TDRD3: variants seen among roughly 807,000 people sequenced by gnomAD.
TDRD3 encodes the protein tudor domain containing 3.
A neutral mutation model predicts 86.7 loss-of-function variants in TDRD3; 45 were observed. The observed-to-expected ratio is 0.52, with a 90% CI of 0.41 to 0.67. The LOEUF is 0.67. TDRD3 is among the 30% of genes least tolerant of loss of function. The pLI is 0.00. For missense variants in TDRD3, 814 were observed against 889.0 expected (o/e 0.92, Z 1.07); for synonymous variants, 298 against 301.7 (o/e 0.99, Z 0.13).
intron 12 of TDRD3, among the ~76,000 whole-genome samples, chr13:60,553,697 C>T (rs1958119392): frequency 6.6e-6 from 1 of 152,062 alleles, no homozygotes; most frequent in Non-Finnish European, 1.5e-5. Context: ...AGGGGAACTG[C>T]TAAAACCATC....
Position 60,567,521 on chromosome 13 carries a change from A to G in TDRD3, c.2119-4A>G, listed in dbSNP as rs368279999. The G allele has an allele frequency of 7.4e-6, 12 of 1,613,988 alleles. No individual in the cohort carries two copies. In the South Asian group the frequency reaches 1.1e-4, roughly 15 times the overall value. On this transcript the variant is annotated splice_polypyrimidine_tract_variant and splice_region_variant and intron_variant, in intron 12 of 13. Coordinates refer to ENST00000377881, the MANE Select transcript of TDRD3 (RefSeq NM_001146070.2). ...CATGTAAAATCACTACTCTTTGCAA[A>G]TAGGAGGAAGAAGGCACCTACGATC...
At chr13:60,560,552 A>G (rs185940637) in intron 12 of TDRD3, among the ~76,000 whole-genome samples, 1 of 152,132 alleles carries the variant, frequency 6.6e-6, no homozygotes, top group East Asian at 2.0e-4. Context: ...TAATGTGTAG[A>G]TCTTAGTGAT....
intron 5 of TDRD3, among the ~76,000 whole-genome samples, chr13:60,474,885 G>GT (rs34490147): frequency 0.29 from 42,972 of 147,866 alleles, 7,020 homozygotes; most frequent in South Asian, 0.47. Flanking sequence ...TTGTCAGAAT[G>GT]TTTTTTTTTT....
At chr13:60,565,333 G>T (rs1958432389) in intron 12 of TDRD3, among the ~76,000 whole-genome samples, 1 of 152,082 alleles carries the variant, frequency 6.6e-6, no homozygotes, top group Non-Finnish European at 1.5e-5. Flanking sequence ...GGGATTACAG[G>T]CGTGAGCCAC....
intron 12 of TDRD3, among the ~76,000 whole-genome samples, chr13:60,557,327 T>C (rs1958216267): frequency 6.6e-6 from 1 of 152,194 alleles, no homozygotes; most frequent in African/African-American, 2.4e-5. Flanking sequence ...CCAGAGTTAT[T>C]TGCAAGAGGC....
intron 8 of TDRD3, among the ~76,000 whole-genome samples, chr13:60,495,226 A>G (rs747371086): frequency 6.6e-6 from 1 of 152,220 alleles, no homozygotes; most frequent in Non-Finnish European, 1.5e-5. Flanking sequence ...AAGTGTTGGT[A>G]AATTCAGCAG....
At chr13:60,567,721 T>G (rs982887455) in intron 13 of TDRD3, 71 bp downstream of exon 13, 2 of 1,569,144 alleles carry the variant, frequency 1.3e-6, no homozygotes, top group African/African-American at 1.4e-5. Context: ...ATAAGTCCAA[T>G]TAGTGATTTT....
intron 1 of TDRD3, 54 bp downstream of exon 1, chr13:60,397,459 G>A (rs9538679): frequency 0.48 from 697,434 of 1,439,364 alleles, 171,527 homozygotes; most frequent in South Asian, 0.56. Flanking sequence ...CGGGGCCCCA[G>A]GGAGGTTGGG....
chr13:60,524,268 G>T (rs942060573), intron 10 of TDRD3, among the ~76,000 whole-genome samples: 2 of 152,060 alleles, frequency 1.3e-5, no homozygotes, highest in African/African-American at 4.8e-5. Context: ...CACTTAGGGA[G>T]ACCGAGGGCG....
intron 12 of TDRD3, among the ~76,000 whole-genome samples, chr13:60,563,609 C>T (rs973459309): frequency 1.3e-5 from 2 of 152,182 alleles, no homozygotes; most frequent in Admixed American, 6.5e-5. Context: ...GAGGGAATAA[C>T]AACTCCTTCC....
At chr13:60,534,550 G>A (rs1484733337) in intron 11 of TDRD3, among the ~76,000 whole-genome samples, 1 of 147,924 alleles carries the variant, frequency 6.8e-6, no homozygotes, top group Non-Finnish European at 1.5e-5. Context: ...GCACTGAGCA[G>A]CCTTTTTTGC....
intron 3 of TDRD3, among the ~76,000 whole-genome samples, chr13:60,455,931 G>A (rs1955659368): frequency 6.6e-6 from 1 of 151,998 alleles, no homozygotes; most frequent in Non-Finnish European, 1.5e-5. Flanking sequence ...TTAGCTGGGT[G>A]TGGTTGCTCA....
chr13:60,454,904 A>G (rs748467015), intron 3 of TDRD3, among the ~76,000 whole-genome samples: 10 of 150,902 alleles, frequency 6.6e-5, no homozygotes, highest in Non-Finnish European at 1.0e-4. Context: ...TCCCACCTCT[A>G]TTGATTGATT....
intron 7 of TDRD3, among the ~76,000 whole-genome samples, chr13:60,488,567 T>A (rs950185616): frequency 6.6e-6 from 1 of 152,002 alleles, no homozygotes; most frequent in African/African-American, 2.4e-5. Flanking sequence ...TTGGATTGTT[T>A]GGGTTTTTTT....
intron 1 of TDRD3, among the ~76,000 whole-genome samples, chr13:60,424,551 C>T (rs1487361897): frequency 6.6e-6 from 1 of 151,994 alleles, no homozygotes; most frequent in East Asian, 2.0e-4. Context: ...GTGGGATGCT[C>T]CTGTAGTCCC....
intron 2 of TDRD3, among the ~76,000 whole-genome samples, chr13:60,441,648 G>C (rs1236738024): frequency 6.6e-6 from 1 of 152,094 alleles, no homozygotes. Context: ...AGTTGAGAAA[G>C]ACGTGTATTA....
chr13:60,418,385 C>T (rs546531487), intron 1 of TDRD3, among the ~76,000 whole-genome samples: 2 of 152,200 alleles, frequency 1.3e-5, no homozygotes, highest in East Asian at 3.9e-4. Context: ...CTTTAACATT[C>T]TGTCTCTAGC....
chr13:60,514,478 A>G (rs1349278792), intron 10 of TDRD3, among the ~76,000 whole-genome samples: 3 of 152,212 alleles, frequency 2.0e-5, no homozygotes, highest in East Asian at 1.9e-4. Context: ...TACAGGAAGC[A>G]AAATTTTTAA....
chr13:60,397,313 T>TA lies in TDRD3; in HGVS notation c.-52_-51insA. 1.2e-6 allele frequency: 1 copy of TA among 844,290 alleles called. No individual in the cohort carries two copies. Among genetic ancestry groups the TA allele is most frequent in the Non-Finnish European group, 1.7e-6 (1 of 585,426 alleles). The allele number at this position is 844,290 out of a possible 1,614,324, so 52.3% of individuals were successfully genotyped here. On this transcript the variant is annotated 5_prime_UTR_variant, in exon 1 of 14. It removes the in-frame stop codon of an upstream open reading frame in the 5' UTR. Coordinates refer to ENST00000377881, the MANE Select transcript of TDRD3 (RefSeq NM_001146070.2). ...GGGGGGGGGTCTCAAGTAGGAGGCC[T>TA]CCCCATCACCCCCACCCCAGCCCCC...
Sources: gnomAD v4.1 joint callset for allele counts (sites outside exome capture counted in the v4.1 genomes callset) on GRCh38, gnomAD v4.1.1 for gene constraint, MANE v1.5 for transcripts, NCBI Gene and HGNC (gene_info 2026-07-23, HGNC 2026-07-21) for gene names.